SLC7A14: variants seen among roughly 807,000 people sequenced by gnomAD.
The protein encoded by SLC7A14 is solute carrier family 7 member 14.
In SLC7A14, 37 loss-of-function variants were observed where a neutral mutation model predicts 60.2. The ratio of observed to expected loss-of-function variants is 0.61; its 90% CI spans 0.47 to 0.81. SLC7A14 has a LOEUF of 0.81. Ranked by LOEUF, SLC7A14 falls within the 30% of genes least tolerant of loss-of-function variation. SLC7A14 has a pLI of 0.00. For synonymous variants in SLC7A14, 399 were observed against 395.8 expected, an observed-to-expected ratio of 1.01 and a Z score of -0.10; for missense variants, 886 against 982.7, an observed-to-expected ratio of 0.90 and a Z score of 1.32.
intron 6 of SLC7A14, among the ~76,000 whole-genome samples, chr3:170,482,235 T>C (rs1173051714): frequency 6.6e-6 from 1 of 152,214 alleles, no homozygotes; most frequent in Non-Finnish European, 1.5e-5. Context: ...CACACAAGAC[T>C]GTAAATGTGT....
At chr3:170,565,282 C>A (rs571363711) in intron 1 of SLC7A14, among the ~76,000 whole-genome samples, 20 of 152,090 alleles carry the variant, frequency 1.3e-4, no homozygotes, top group Non-Finnish European at 2.6e-4. Context: ...CTCTCAACTG[C>A]AGTAGTAGCT....
intron 2 of SLC7A14, among the ~76,000 whole-genome samples, chr3:170,512,963 G>C (rs1296946167): frequency 6.6e-6 from 1 of 152,134 alleles, no homozygotes; most frequent in Non-Finnish European, 1.5e-5. Flanking sequence ...GCATGCACTG[G>C]GTAAACTGTG....
chr3:170,492,998 T>A (rs1712268614), intron 4 of SLC7A14, among the ~76,000 whole-genome samples: 1 of 152,222 alleles, frequency 6.6e-6, no homozygotes, highest in African/African-American at 2.4e-5. Context: ...AAAACAACTT[T>A]TCCTTTGTTT....
At chr3:170,517,193 G>A (rs1426168132) in intron 2 of SLC7A14, among the ~76,000 whole-genome samples, 1 of 152,184 alleles carries the variant, frequency 6.6e-6, no homozygotes, top group African/African-American at 2.4e-5. Context: ...CATTTATCAT[G>A]TGCTTGCTAA....
At chr3:170,522,129 A>G (rs1191653424) in intron 2 of SLC7A14, among the ~76,000 whole-genome samples, 3 of 152,234 alleles carry the variant, frequency 2.0e-5, no homozygotes, top group Admixed American at 1.3e-4. Flanking sequence ...ACAACCATGA[A>G]AAACCACACC....
chr3:170,490,996 C>T (rs1219322839), intron 4 of SLC7A14, among the ~76,000 whole-genome samples: 1 of 152,130 alleles, frequency 6.6e-6, no homozygotes, highest in African/African-American at 2.4e-5. Context: ...CTCCTTCTCT[C>T]CTCCTTCTAC....
chr3:170,494,206 A>G (rs1004992663), intron 4 of SLC7A14, among the ~76,000 whole-genome samples: 1 of 152,242 alleles, frequency 6.6e-6, no homozygotes, highest in African/African-American at 2.4e-5. Flanking sequence ...AGCTATTTGC[A>G]TGTAAAAGTG....
rs1739730846 is a variant in SLC7A14 at position 170,466,806 on chromosome 3, A to C, written c.*249T>G. On this transcript the variant is annotated 3_prime_UTR_variant, in exon 8 of 8. Coordinates refer to ENST00000231706, the MANE Select transcript of SLC7A14 (RefSeq NM_020949.3). ...CTCTGGTGGTTGCACCTAAGATGGA[A>C]TTTCATATAGCCTCTTGTTTATTTA... The C allele has an allele frequency of 5.0e-6, 2 of 402,532 alleles. No homozygotes were observed. The highest frequency in any genetic ancestry group is 2.1e-5 in the African/African-American group (1 of 48,726). The allele number at this position is 402,532 out of a possible 1,614,324, so 24.9% of individuals were successfully genotyped here.
rs778205851 is a variant in SLC7A14 at position 170,501,232 on chromosome 3, T to C, written c.418A>G (p.Ile140Val). The change falls in exon 3 of 8, where the codon ATC becomes GTC. Residue 140 changes from isoleucine (I) to valine (V), a missense_variant. By Grantham distance (29) the Ile-to-Val change is conservative. Coordinates refer to ENST00000231706, the MANE Select transcript of SLC7A14 (RefSeq NM_020949.3). ...FVAFFIGWNL[I>V]LEYLIGTAAG... ...GCAGTGCCAATCAGGTACTCCAGGA[T>C]CAGGTTCCAGCCAATGAAAAATGCC... The C allele has an allele frequency of 3.7e-6, 6 of 1,614,034 alleles. No individual in the cohort carries two copies. In the Admixed American group the frequency reaches 1.0e-4, roughly 27 times the overall value.
intron 1 of SLC7A14, among the ~76,000 whole-genome samples, chr3:170,579,219 A>G (rs1388918920): frequency 6.6e-6 from 1 of 152,252 alleles, no homozygotes; most frequent in Non-Finnish European, 1.5e-5. Flanking sequence ...TTCCTCTGAC[A>G]TCAACTCAGG....
At chr3:170,467,631 T>A (rs1455617789) in intron 7 of SLC7A14, among the ~76,000 whole-genome samples, 1 of 152,204 alleles carries the variant, frequency 6.6e-6, no homozygotes, top group Non-Finnish European at 1.5e-5. Flanking sequence ...CTGACAACAC[T>A]GCATCCACAT....
intron 2 of SLC7A14, among the ~76,000 whole-genome samples, chr3:170,507,837 C>A (rs367713574): frequency 1.3e-5 from 2 of 152,152 alleles, no homozygotes; most frequent in African/African-American, 2.4e-5. Context: ...GTGGGAGAAC[C>A]GAGGCTGGTC....
At chr3:170,541,335 C>T (rs923658156) in intron 1 of SLC7A14, among the ~76,000 whole-genome samples, 2 of 152,192 alleles carry the variant, frequency 1.3e-5, no homozygotes, top group African/African-American at 4.8e-5. Flanking sequence ...TTATGGTTCA[C>T]ACCTGTAATC....
chr3:170,501,473 A>G lies in SLC7A14; in HGVS notation c.305-128T>C, dbSNP rs1712607580. On this transcript the variant is annotated intron_variant, in intron 2 of 7. Coordinates refer to ENST00000231706, the MANE Select transcript of SLC7A14 (RefSeq NM_020949.3). ...AGAACAAATACACAAAGTTTTATGTATATGAATCGATTCAGAGCCAACTCT... is the reference window on the plus strand; with the variant it reads ...AGAACAAATACACAAAGTTTTATGTGTATGAATCGATTCAGAGCCAACTCT... 4 of 749,914 alleles carry G rather than the reference A, an allele frequency of 5.3e-6. No individual in the cohort carries two copies. The Admixed American group carries it at 7.3e-5, about 14-fold the overall frequency. 46.5% of individuals were successfully genotyped at this position (749,914 alleles called of 1,614,324 possible).
intron 2 of SLC7A14, among the ~76,000 whole-genome samples, chr3:170,524,817 G>A (rs756164931): frequency 2.6e-4 from 39 of 152,174 alleles, no homozygotes; most frequent in Non-Finnish European, 5.6e-4. Context: ...AACTATTAGT[G>A]TATTAGTGCT....
At chr3:170,579,369 C>T (rs1023659828) in intron 1 of SLC7A14, among the ~76,000 whole-genome samples, 1 of 152,188 alleles carries the variant, frequency 6.6e-6, no homozygotes, top group African/African-American at 2.4e-5. Context: ...ATTTTGTCAA[C>T]AGAATGTTTA....
intron 1 of SLC7A14, among the ~76,000 whole-genome samples, chr3:170,540,484 T>C (rs926996034): frequency 1.3e-5 from 2 of 151,184 alleles, no homozygotes; most frequent in East Asian, 3.9e-4. Context: ...GGCAGGAAAA[T>C]AGTTGAGACT....
chr3:170,515,319 CCA>C (rs1713118907), intron 2 of SLC7A14, among the ~76,000 whole-genome samples: 1 of 96,040 alleles, frequency 1.0e-5, no homozygotes, highest in Non-Finnish European at 2.1e-5. Context: ...TCCGCCCCCC[CCA>C]AAAAAAAAAT....
intron 4 of SLC7A14, among the ~76,000 whole-genome samples, chr3:170,490,187 A>G (rs1376591857): frequency 2.0e-5 from 3 of 152,212 alleles, no homozygotes; most frequent in African/African-American, 7.2e-5. Flanking sequence ...TGCCTCTATC[A>G]AAACATCTCA....
Sources: allele counts gnomAD v4.1 joint callset (sites outside exome capture counted in the v4.1 genomes callset), GRCh38; gene constraint gnomAD v4.1.1; transcripts MANE v1.5; gene names NCBI Gene and HGNC (gene_info 2026-07-23, HGNC 2026-07-21).